THAP6: variants seen among roughly 807,000 people sequenced by gnomAD.
THAP6 encodes THAP domain containing 6, also known as THAP domain-containing protein 6.
A neutral mutation model predicts 20.0 loss-of-function variants in THAP6; 13 were observed. The observed-to-expected ratio is 0.65, with a 90% CI of 0.42 to 1.03. The LOEUF (loss-of-function observed/expected upper bound fraction) is 1.03, where lower values mean the gene tolerates loss of function less well. Ranked by LOEUF, THAP6 falls within the 50% of genes least tolerant of loss-of-function variation. The pLI, the probability that THAP6 is intolerant of heterozygous loss-of-function variation, is 0.00. For synonymous variants in THAP6, 93 were observed against 92.2 expected, an observed-to-expected ratio of 1.01 and a Z score of -0.05; for missense variants, 262 against 261.6, an observed-to-expected ratio of 1.00 and a Z score of -0.01.
Position 75,528,349 on chromosome 4 carries a change from TGA to T in THAP6, c.*1139_*1140del. ...ATTCCTTACCGAAAACAACTGAAAT[TGA>T]GAGTCATAAATACTGTGGGTTAGAA... is the stretch of plus-strand genomic sequence containing the variant. On this transcript the variant is annotated 3_prime_UTR_variant, in exon 5 of 5. Coordinates refer to ENST00000311638, the MANE Select transcript of THAP6 (RefSeq NM_144721.6). The T allele has an allele frequency of 2.0e-6, 2 of 985,394 alleles. No individual in the cohort carries two copies. Among genetic ancestry groups the T allele is most frequent in the Non-Finnish European group, 2.4e-6 (2 of 829,918 alleles). 61.0% of individuals were successfully genotyped at this position (985,394 alleles called of 1,614,324 possible).
chr4:75,529,421 C>G lies in THAP6; in HGVS notation c.*2207C>G, dbSNP rs1726583164. The G allele has an allele frequency of 1.0e-6, 1 of 985,362 alleles. No individual in the cohort carries two copies. The highest frequency in any genetic ancestry group is 1.2e-6 in the Non-Finnish European group (1 of 829,918). The allele number at this position is 985,362 out of a possible 1,614,324, so 61.0% of individuals were successfully genotyped here. ...ACTCAGCACTTCTTTTTCACTGGAC[C>G]TAGTATAACTGAGAAATAAATAACT... On this transcript the variant is annotated 3_prime_UTR_variant, in exon 5 of 5. Coordinates refer to ENST00000311638, the MANE Select transcript of THAP6 (RefSeq NM_144721.6).
At chr4:75,541,539 C>T (rs984535572) in intron 2 of THAP6, among the ~76,000 whole-genome samples, 3 of 151,382 alleles carry the variant, frequency 2.0e-5, no homozygotes, top group African/African-American at 7.3e-5. Context: ...GGGTTATATA[C>T]TTCCTGGGAA....
At chr4:75,545,582 G>A (rs1727107950) in intron 3 of THAP6, among the ~76,000 whole-genome samples, 1 of 152,152 alleles carries the variant, frequency 6.6e-6, no homozygotes, top group Admixed American at 6.6e-5. Context: ...GCTTCTGACA[G>A]AGAACCCCAA....
intron 3 of THAP6, among the ~76,000 whole-genome samples, chr4:75,519,427 A>G (rs963481431): frequency 6.6e-6 from 1 of 151,458 alleles, no homozygotes; most frequent in African/African-American, 2.4e-5. Context: ...CGCTGCACCC[A>G]GTAACTCATC....
chr4:75,536,072 C>T (rs1726844194), intron 2 of THAP6, among the ~76,000 whole-genome samples: 1 of 152,186 alleles, frequency 6.6e-6, no homozygotes, highest in African/African-American at 2.4e-5. Flanking sequence ...AGTCTATCTC[C>T]AGAGGGGTTT....
chr4:75,538,653 A>G (rs1388755376), intron 2 of THAP6, among the ~76,000 whole-genome samples: 1 of 152,148 alleles, frequency 6.6e-6, no homozygotes, highest in Admixed American at 6.5e-5. Flanking sequence ...CATAGGTCTC[A>G]TTATTTTACT....
intron 3 of THAP6, among the ~76,000 whole-genome samples, chr4:75,545,476 A>G (rs755049636): frequency 2.2e-4 from 33 of 152,138 alleles, no homozygotes; most frequent in Non-Finnish European, 3.5e-4. Flanking sequence ...GAAGATGCCT[A>G]AGCAAGCCTT....
At chr4:75,532,384 G>A (rs927052077), downstream of THAP6, among the ~76,000 whole-genome samples, 3 of 152,210 alleles carry the variant, frequency 2.0e-5, no homozygotes, top group Non-Finnish European at 4.4e-5. Flanking sequence ...CCTTCCCTGT[G>A]GCTTTGCAGG....
downstream of THAP6, among the ~76,000 whole-genome samples, chr4:75,534,315 G>T (rs896751003): frequency 7.2e-5 from 11 of 152,126 alleles, no homozygotes; most frequent in African/African-American, 2.7e-4. Context: ...ATGGGGAAAG[G>T]TTTCCCTATT....
chr4:75,520,138 T>G (rs1333332694), intron 3 of THAP6, among the ~76,000 whole-genome samples: 2 of 152,230 alleles, frequency 1.3e-5, no homozygotes, highest in African/African-American at 4.8e-5. Context: ...TTTTGAGAAG[T>G]GTCTGTTCAT....
chr4:75,515,484 C>G lies in THAP6; in HGVS notation c.32C>G (p.Ala11Gly). MVKCCSAIGC[A>G]SRCLPNSKLK... ...AAATGCTGCTCCGCCATTGGATGTG[C>G]TTCTCGCTGCTTGCCAAATTCGAAG... The change falls in exon 2 of 5, where the codon GCT becomes GGT. Residue 11 changes from alanine to glycine, a missense_variant. Physicochemically the swap from Ala to Gly is moderately conservative, Grantham distance 60. Transcript: ENST00000311638. The G allele has an allele frequency of 6.2e-7, 1 of 1,614,040 alleles. No individual in the cohort carries two copies. Among genetic ancestry groups the G allele is most frequent in the Middle Eastern group, 1.6e-4 (1 of 6,062 alleles).
At chr4:75,541,851 G>C (rs542239356) in intron 2 of THAP6, among the ~76,000 whole-genome samples, 1 of 152,122 alleles carries the variant, frequency 6.6e-6, no homozygotes, top group Admixed American at 6.5e-5. Context: ...AGCTACTCAG[G>C]AGGCTGAGGC....
intron 2 of THAP6, chr4:75,539,846 C>T (rs1726958089): frequency 6.5e-7 from 1 of 1,535,834 alleles, no homozygotes; most frequent in African/African-American, 1.4e-5. Context: ...CTTTAAATTC[C>T]ATCCCATCCC....
chr4:75,524,010 A>G (rs1362667663), intron 4 of THAP6, among the ~76,000 whole-genome samples: 1 of 152,092 alleles, frequency 6.6e-6, no homozygotes, highest in Non-Finnish European at 1.5e-5. Flanking sequence ...AGCACCGTTT[A>G]TTGAAGAGAC....
chr4:75,538,996 G>A (rs969305479), intron 2 of THAP6, among the ~76,000 whole-genome samples: 2 of 152,170 alleles, frequency 1.3e-5, no homozygotes, highest in African/African-American at 4.8e-5. Flanking sequence ...ATTTCCACAC[G>A]TATTTTTCAG....
At chr4:75,533,344 G>A (rs1302671766), downstream of THAP6, among the ~76,000 whole-genome samples, 3 of 152,108 alleles carry the variant, frequency 2.0e-5, no homozygotes, top group Middle Eastern at 3.2e-3. Context: ...CCTCAGCCTG[G>A]ATTTCATTGT....
Position 75,528,238 on chromosome 4 carries a change from G to A in THAP6, c.*1024G>A, listed in dbSNP as rs1726500805. 1.0e-6 allele frequency: 1 copy of A among 985,426 alleles called. No individual in the cohort carries two copies. The highest frequency in any genetic ancestry group is 1.7e-5 in the African/African-American group (1 of 57,356). The allele number at this position is 985,426 out of a possible 1,614,324, so 61.0% of individuals were successfully genotyped here. On this transcript the variant is annotated 3_prime_UTR_variant, in exon 5 of 5. Transcript: ENST00000311638. ...ACGGGTAATTAAAACAGCAGCTTTA[G>A]AATAGCTTCTTACTGAATATGCAAA...
At chr4:75,522,578 C>G (rs1320350541) in intron 4 of THAP6, 1 of 151,976 alleles carries the variant, frequency 6.6e-6, no homozygotes, top group African/African-American at 2.4e-5. Flanking sequence ...ATCCCCACCT[C>G]CCCCCCATCC....
chr4:75,526,273 G>T (rs2148820000), intron 4 of THAP6, among the ~76,000 whole-genome samples: 1 of 152,192 alleles, frequency 6.6e-6, no homozygotes, highest in South Asian at 2.1e-4. Flanking sequence ...GGAGGTAGGG[G>T]TCAATCCAGT....
Sources: allele counts gnomAD v4.1 joint callset (sites outside exome capture counted in the v4.1 genomes callset), GRCh38; gene constraint gnomAD v4.1.1; transcripts MANE v1.5; gene names NCBI Gene and HGNC (gene_info 2026-07-23, HGNC 2026-07-21).